The following DAAM2 variants were observed in gnomAD, a reference collection of about 807,000 sequenced individuals.
DAAM2 encodes disheveled-associated activator of morphogenesis 2.
DAAM2 carries 39 observed loss-of-function variants against 120.7 expected under a neutral mutation model. The observed-to-expected ratio is 0.32, with a 90% CI of 0.25 to 0.42. DAAM2 has a LOEUF of 0.42. Among genes scored for constraint, DAAM2 ranks in the 10% least tolerant of loss-of-function variants. DAAM2 has a pLI of 1.00. For missense variants in DAAM2, 1,283 were observed against 1,401.7 expected, an observed-to-expected ratio of 0.92 and a Z score of 1.35; for synonymous variants, 488 against 524.9, an observed-to-expected ratio of 0.93 and a Z score of 0.96.
chr6:39,892,719 A>G (rs1765808931), intron 19 of DAAM2, among the ~76,000 whole-genome samples: 1 of 152,146 alleles, frequency 6.6e-6, no homozygotes, highest in African/African-American at 2.4e-5. Flanking sequence ...CCTGCTGGAC[A>G]CCAGGGCCAG....
intron 1 of DAAM2, among the ~76,000 whole-genome samples, chr6:39,831,406 C>A (rs541413270): frequency 6.6e-6 from 1 of 152,120 alleles, no homozygotes; most frequent in African/African-American, 2.4e-5. Context: ...AATCACTGTA[C>A]CTGACTCACT....
chr6:39,831,518 T>C (rs1762887817), intron 1 of DAAM2, among the ~76,000 whole-genome samples: 2 of 151,924 alleles, frequency 1.3e-5, no homozygotes, highest in South Asian at 4.2e-4. Flanking sequence ...GTTAAGTAAC[T>C]TGCCAAAGAT....
At chr6:39,796,932 C>T (rs1761720412) in intron 1 of DAAM2, among the ~76,000 whole-genome samples, 1 of 152,172 alleles carries the variant, frequency 6.6e-6, no homozygotes, top group Non-Finnish European at 1.5e-5. Flanking sequence ...AATGTTAATG[C>T]CATTCCCCTC....
At chr6:39,891,844 A>C in intron 19 of DAAM2, 122 bp downstream of exon 19, 1 of 755,730 alleles carries the variant, frequency 1.3e-6, no homozygotes, top group Non-Finnish European at 2.1e-6. Flanking sequence ...AAAAACAAAA[A>C]CAAAAAGTCA....
intron 22 of DAAM2, 89 bp downstream of exon 22, chr6:39,899,026 A>AG (rs1190449756): frequency 4.3e-6 from 3 of 703,560 alleles, no homozygotes; most frequent in East Asian, 6.9e-5. Flanking sequence ...CACAGGGGCA[A>AG]AAAACAATGG....
At chr6:39,828,823 C>T (rs1762775182) in intron 1 of DAAM2, among the ~76,000 whole-genome samples, 1 of 152,062 alleles carries the variant, frequency 6.6e-6, no homozygotes, top group Non-Finnish European at 1.5e-5. Flanking sequence ...TGCCTCCCGC[C>T]TTTTTATAAT....
chr6:39,836,895 G>C (rs1345319894), intron 1 of DAAM2, among the ~76,000 whole-genome samples: 1 of 152,188 alleles, frequency 6.6e-6, no homozygotes, highest in African/African-American at 2.4e-5. Flanking sequence ...AACAATTCCA[G>C]CTCTTCTAGA....
At chr6:39,832,136 T>G (rs961696612) in intron 1 of DAAM2, among the ~76,000 whole-genome samples, 2 of 151,774 alleles carry the variant, frequency 1.3e-5, no homozygotes, top group Non-Finnish European at 2.9e-5. Context: ...GGTGCACTGG[T>G]GCTCACTCCT....
intron 1 of DAAM2, among the ~76,000 whole-genome samples, chr6:39,793,708 AGT>A (rs1196640702): frequency 6.6e-6 from 1 of 152,156 alleles, no homozygotes; most frequent in East Asian, 1.9e-4. Flanking sequence ...TAGGGCGGAA[AGT>A]GTGCTCCACG....
chr6:39,832,038 G>T (rs141488503), intron 1 of DAAM2, among the ~76,000 whole-genome samples: 2 of 146,412 alleles, frequency 1.4e-5, no homozygotes, highest in Admixed American at 6.7e-5. Flanking sequence ...CACTGGGGGC[G>T]CAGGTACACT....
chr6:39,856,902 C>T lies in DAAM2; in HGVS notation c.168+432C>T, dbSNP rs1302468778. Among the ~76,000 whole-genome samples, 4 of 152,198 alleles carry T rather than the reference C, an allele frequency of 2.6e-5. No homozygotes were observed. The East Asian group carries it at 7.7e-4, about 29-fold the overall frequency. ...CAGAGTGGGATTCTGTGGGCAGACA[C>T]TGGGCACCTCGGAACAGGGGATGAT... On this transcript the variant is annotated intron_variant, in intron 2 of 24. Transcript: ENST00000274867.
At chr6:39,794,188 A>G (rs796900490) in intron 1 of DAAM2, among the ~76,000 whole-genome samples, 3 of 152,246 alleles carry the variant, frequency 2.0e-5, no homozygotes, top group African/African-American at 7.2e-5. Flanking sequence ...GGGTGCATGT[A>G]AACAGGAGTG....
intron 3 of DAAM2, among the ~76,000 whole-genome samples, chr6:39,863,199 A>G (rs1024848371): frequency 6.6e-6 from 1 of 151,934 alleles, no homozygotes; most frequent in African/African-American, 2.4e-5. Context: ...GTCCCCATTC[A>G]GTGCATATGG....
chr6:39,815,470 T>C (rs1762279361), intron 1 of DAAM2, among the ~76,000 whole-genome samples: 1 of 152,172 alleles, frequency 6.6e-6, no homozygotes, highest in Non-Finnish European at 1.5e-5. Context: ...GAAATAACCA[T>C]GGTATTCCCC....
chr6:39,899,691 G>A lies in DAAM2; in HGVS notation c.2680-386G>A, dbSNP rs1055195182. 59 of 175,256 alleles carry A rather than the reference G, an allele frequency of 3.4e-4. 1 individual carries two copies. Among genetic ancestry groups the A allele is most frequent in the Non-Finnish European group, 8.6e-5 (7 of 81,112 alleles). The allele number at this position is 175,256 out of a possible 1,614,324, so 10.9% of individuals were successfully genotyped here. On this transcript the variant is annotated intron_variant, in intron 22 of 24. Coordinates refer to ENST00000274867, the MANE Select transcript of DAAM2 (RefSeq NM_001201427.2). ...TCAAAGTGCGGTACATGGACCAGCA[G>A]CTTCTGAATCAGCTGGGAGCTTTAG...
Position 39,901,699 on chromosome 6 carries a change from A to G in DAAM2, c.2983-114A>G, listed in dbSNP as rs1766495113. 2 of 1,084,984 alleles carry G rather than the reference A, an allele frequency of 1.8e-6. No individual in the cohort carries two copies. The highest frequency in any genetic ancestry group is 1.6e-5 in the African/African-American group (1 of 63,018). The allele number at this position is 1,084,984 out of a possible 1,614,324, so 67.2% of individuals were successfully genotyped here. A position where few individuals can be genotyped will look rare whatever the true frequency, so the allele number is the denominator to read the frequency against. The stretch of plus-strand genomic sequence containing the variant: ...TAGGCAGGAAGAAAGTGGGGCCAAC[A>G]GATACAGGCAGGCAGCATGACCATG... On this transcript the variant is annotated intron_variant, in intron 24 of 24. Transcript: ENST00000274867. The surrounding 1 kb of genome is among the most constrained non-coding windows in gnomAD (Gnocchi z 4.5).
In DAAM2 at chr6:39,851,231, G is replaced by A. The variant is rs79911584; in HGVS notation, c.-56-5016G>A. Among the ~76,000 whole-genome samples the A allele has an allele frequency of 8.0e-3, 1,212 of 152,288 alleles. 12 individuals carry two copies. Among genetic ancestry groups the A allele is most frequent in the Middle Eastern group, 0.02 (6 of 294 alleles). The stretch of plus-strand genomic sequence containing the variant: ...TCTCAGCTTAGGATACTTTCTGGAC[G>A]TGTGCCTTATGGCTTAGTGGCTTAC... On this transcript the variant is annotated intron_variant, in intron 1 of 24. Transcript: ENST00000274867.
At chr6:39,823,942 T>A (rs1289759373) in intron 1 of DAAM2, among the ~76,000 whole-genome samples, 1 of 152,174 alleles carries the variant, frequency 6.6e-6, no homozygotes, top group Non-Finnish European at 1.5e-5. Flanking sequence ...TTTTGAATGA[T>A]GCTCCATTGT....
At chr6:39,871,635 C>T (rs368452130) in intron 9 of DAAM2, 63 bp downstream of exon 9, 203 of 1,456,346 alleles carry the variant, frequency 1.4e-4, no homozygotes, top group Non-Finnish European at 1.8e-4. Context: ...GGCCCCACAG[C>T]CACTTTTCTA....
Sources: allele counts gnomAD v4.1 joint callset (sites outside exome capture counted in the v4.1 genomes callset), GRCh38; gene constraint gnomAD v4.1.1; non-coding constraint Gnocchi (gnomAD v3.1); transcripts MANE v1.5; gene names NCBI Gene and HGNC (gene_info 2026-07-23, HGNC 2026-07-21).